ABCG1: variants seen among roughly 807,000 people sequenced by gnomAD.
ABCG1 encodes ATP-binding cassette sub-family G member 1.
ABCG1 carries 29 observed loss-of-function variants against 69.2 expected under a neutral mutation model. The ratio of observed to expected loss-of-function variants is 0.42; its 90% CI spans 0.31 to 0.57. The LOEUF is 0.57. Among genes scored for constraint, ABCG1 ranks in the 20% least tolerant of loss-of-function variants. ABCG1 has a pLI of 0.15. For missense variants in ABCG1, 718 were observed against 898.1 expected, an observed-to-expected ratio of 0.80 and a Z score of 2.56; for synonymous variants, 370 against 374.8, an observed-to-expected ratio of 0.99 and a Z score of 0.15.
Position 42,261,009 on chromosome 21 carries a change from G to A in ABCG1, c.287-10061G>A, listed in dbSNP as rs374918683. ...GCTAATTTTTTGTATTTTTAGTAGA[G>A]ACAGGGTTTCACCATGTTAGCCAGG... On this transcript the variant is annotated intron_variant, in intron 2 of 14. Transcript: ENST00000398449. Among the ~76,000 whole-genome samples, 13 of 152,216 alleles carry A rather than the reference G, an allele frequency of 8.5e-5. 1 individual carries two copies. The highest frequency in any genetic ancestry group is 1.9e-4 in the East Asian group (1 of 5,172).
intron 2 of ABCG1, chr21:42,256,766 A>G (rs1040343829): frequency 2.3e-6 from 3 of 1,298,354 alleles, no homozygotes; most frequent in Non-Finnish European, 3.0e-6. Context: ...AGCTTAAGGA[A>G]CTGGGTCTGC....
chr21:42,278,193 G>C (rs558915210), intron 5 of ABCG1, among the ~76,000 whole-genome samples: 40 of 152,328 alleles, frequency 2.6e-4, no homozygotes, highest in Admixed American at 2.2e-3. Context: ...GGCCCTTCAT[G>C]GGGGCAGAAG....
At chr21:42,290,427 C>T (rs2069035029) in intron 11 of ABCG1, among the ~76,000 whole-genome samples, 1 of 152,132 alleles carries the variant, frequency 6.6e-6, no homozygotes, top group African/African-American at 2.4e-5. Flanking sequence ...AGGAATGAAT[C>T]CCAAATGGAA....
chr21:42,273,572 C>T lies in ABCG1; in HGVS notation c.537+137C>T. The T allele has an allele frequency of 1.0e-6, 1 of 986,728 alleles. No individual in the cohort carries two copies. The highest frequency in any genetic ancestry group is 1.5e-6 in the Non-Finnish European group (1 of 688,396). 61.1% of individuals were successfully genotyped at this position (986,728 alleles called of 1,614,324 possible). ...ACGCGGCCTGCACAGGGCCAGCAAC[C>T]TCCCTCTAGCGGAGTTCTAACACCA... On this transcript the variant is annotated intron_variant, in intron 4 of 14. Coordinates refer to ENST00000398449, the MANE Select transcript of ABCG1 (RefSeq NM_016818.3). The surrounding 1 kb of genome is among the most constrained non-coding windows in gnomAD (Gnocchi z 5.3).
At chr21:42,208,845 G>A (rs933378504) in intron 2 of ABCG1, among the ~76,000 whole-genome samples, 10 of 152,104 alleles carry the variant, frequency 6.6e-5, no homozygotes, top group South Asian at 2.1e-4. Flanking sequence ...TTAGGGAGTT[G>A]CAGGACCTGA....
At chr21:42,201,945 G>A (rs76776572) in intron 2 of ABCG1, among the ~76,000 whole-genome samples, 4,004 of 152,226 alleles carry the variant, frequency 0.026, 179 homozygotes, top group African/African-American at 0.09. Context: ...ATCCCTCCAG[G>A]TGCCCCACCC....
At chr21:42,212,946 G>A (rs2067604386), upstream of ABCG1, among the ~76,000 whole-genome samples, 1 of 152,168 alleles carries the variant, frequency 6.6e-6, no homozygotes, top group African/African-American at 2.4e-5. Flanking sequence ...GCCCGCCTTG[G>A]CCTCCCAAAG....
Position 42,287,780 on chromosome 21 carries a change from T to C in ABCG1, c.974-109T>C. The C allele has an allele frequency of 8.8e-7, 1 of 1,142,256 alleles. No homozygotes were observed. The allele number at this position is 1,142,256 out of a possible 1,614,324, so 70.8% of individuals were successfully genotyped here. A position where few individuals can be genotyped will look rare whatever the true frequency, so the allele number is the denominator to read the frequency against. On this transcript the variant is annotated intron_variant, in intron 8 of 14. Coordinates refer to ENST00000398449, the MANE Select transcript of ABCG1 (RefSeq NM_016818.3). This position sits in a 1 kb window ranked among gnomAD's most constrained non-coding sequence, Gnocchi z 6.2. Reference sequence around the variant, plus strand: ...ATGCCATTAGCACCGCCACGCAGCATCTATGTAATCGCTTTAAAACATTCC... The same window carrying C: ...ATGCCATTAGCACCGCCACGCAGCACCTATGTAATCGCTTTAAAACATTCC...
In ABCG1 at chr21:42,201,614, G is replaced by T. The variant is rs138797997; in HGVS notation, c.-62G>T. On this transcript the variant is annotated 5_prime_UTR_variant, in exon 2 of 16. Transcript: ENST00000398457. ...CTGAACTTCGCTTCCTGAGACCTAAGATTCAGCCCCGTGCTCAGCAGACAT... is the reference window on the plus strand; with the variant it reads ...CTGAACTTCGCTTCCTGAGACCTAATATTCAGCCCCGTGCTCAGCAGACAT... 612 of 1,566,344 alleles carry T rather than the reference G, an allele frequency of 3.9e-4. 4 individuals carry two copies. In the African/African-American group the frequency reaches 7.3e-3, roughly 19 times the overall value.
chr21:42,282,988 G>T (rs3788006), intron 6 of ABCG1, among the ~76,000 whole-genome samples: 1 of 152,016 alleles, frequency 6.6e-6, no homozygotes, highest in Non-Finnish European at 1.5e-5. Context: ...GGCTCCCTGC[G>T]GAATCACTAC....
chr21:42,221,675 A>G (rs2067729815), intron 1 of ABCG1, among the ~76,000 whole-genome samples: 1 of 152,084 alleles, frequency 6.6e-6, no homozygotes, highest in Admixed American at 6.5e-5. Flanking sequence ...TTTTCCTCTT[A>G]TGTGCTTAGG....
chr21:42,220,885 T>A (rs985897908), intron 1 of ABCG1, among the ~76,000 whole-genome samples: 1 of 152,258 alleles, frequency 6.6e-6, no homozygotes, highest in African/African-American at 2.4e-5. Context: ...GCTAGTTAAC[T>A]CTTGAATTCC....
chr21:42,229,613 G>A (rs1426356347), intron 2 of ABCG1, among the ~76,000 whole-genome samples: 8 of 152,110 alleles, frequency 5.3e-5, no homozygotes, highest in African/African-American at 1.4e-4. Flanking sequence ...CCAGCTACTC[G>A]GGAGGCTGAA....
intron 4 of ABCG1, among the ~76,000 whole-genome samples, chr21:42,275,215 C>T (rs2068688637): frequency 6.6e-6 from 1 of 152,184 alleles, no homozygotes; most frequent in Non-Finnish European, 1.5e-5. Context: ...GCTCCCTAAA[C>T]TTCTTTGTGG....
intron 2 of ABCG1, chr21:42,201,814 T>A (rs891556975): frequency 6.2e-7 from 1 of 1,600,406 alleles, no homozygotes; most frequent in African/African-American, 1.3e-5. Context: ...CCTGATGTAG[T>A]CTAGAGATGA....
rs1038319275 is a variant in ABCG1, at chr21:42,259,872, C to A, written c.287-11198C>A. 6.3e-6 allele frequency: 9 copies of A among 1,437,390 alleles called. No individual in the cohort carries two copies. The African/African-American group carries it at 1.3e-4, about 21-fold the overall frequency. 89.0% of individuals were successfully genotyped at this position (1,437,390 alleles called of 1,614,324 possible). On this transcript the variant is annotated intron_variant, in intron 2 of 14. Transcript: ENST00000398449. ...GAGCAGGGGAGAGAGAGGCCAATGGCAAAGGAGCACAGCGGGAGAAAGAAG... is the reference window on the plus strand; with the variant it reads ...GAGCAGGGGAGAGAGAGGCCAATGGAAAAGGAGCACAGCGGGAGAAAGAAG...
chr21:42,250,752 A>G (rs1336473335), intron 2 of ABCG1, among the ~76,000 whole-genome samples: 1 of 152,236 alleles, frequency 6.6e-6, no homozygotes, highest in Non-Finnish European at 1.5e-5. Context: ...TGATGGGAAC[A>G]TAACACAAAC....
intron 2 of ABCG1, among the ~76,000 whole-genome samples, chr21:42,261,374 G>A (rs998409958): frequency 2.0e-5 from 3 of 152,210 alleles, no homozygotes; most frequent in South Asian, 2.1e-4. Context: ...GTGGGGTGAC[G>A]GGAGCGGCCG....
upstream of ABCG1, among the ~76,000 whole-genome samples, chr21:42,212,544 A>C (rs1311789984): frequency 6.6e-6 from 1 of 152,166 alleles, no homozygotes; most frequent in Non-Finnish European, 1.5e-5. Context: ...GACTTGGCTG[A>C]ACTGTTTGTG....
Sources: allele counts gnomAD v4.1 joint callset (sites outside exome capture counted in the v4.1 genomes callset), GRCh38; gene constraint gnomAD v4.1.1; non-coding constraint Gnocchi (gnomAD v3.1); transcripts MANE v1.5; gene names NCBI Gene and HGNC (gene_info 2026-07-23, HGNC 2026-07-21).